TTBK2: variants seen among roughly 807,000 people sequenced by gnomAD.
TTBK2 encodes the protein tau-tubulin kinase 2.
Under a neutral mutation model 110.8 loss-of-function variants are expected in TTBK2, and 28 were observed. The observed-to-expected ratio is 0.25, with a 90% confidence interval of 0.19 to 0.35. The LOEUF is 0.35. Ranked by LOEUF, TTBK2 falls within the 10% of genes least tolerant of loss-of-function variation. The pLI, the probability that TTBK2 is intolerant of heterozygous loss-of-function variation, is 1.00. For missense variants in TTBK2, 1,369 were observed against 1,500.3 expected (o/e 0.91, Z 1.45); for synonymous variants, 532 against 527.3 (o/e 1.01, Z -0.12).
At chr15:42,828,401 C>A (rs948833644) in intron 5 of TTBK2, among the ~76,000 whole-genome samples, 17 of 149,084 alleles carry the variant, frequency 1.1e-4, no homozygotes, top group African/African-American at 3.7e-4. Context: ...AAAAAAAAAA[C>A]CCCGTAGAAA....
chr15:42,769,463 C>T (rs1183193405), intron 13 of TTBK2, among the ~76,000 whole-genome samples: 2 of 144,054 alleles, frequency 1.4e-5, no homozygotes, highest in Non-Finnish European at 3.0e-5. Context: ...TGAACAGACA[C>T]TTCTCAAAAG....
chr15:42,807,861 C>T (rs1244145908), intron 9 of TTBK2, among the ~76,000 whole-genome samples: 1 of 152,020 alleles, frequency 6.6e-6, no homozygotes, highest in African/African-American at 2.4e-5. Flanking sequence ...AGACAGAAAA[C>T]ATTATTTATG....
chr15:42,847,376 G>A (rs1158949412), intron 3 of TTBK2, among the ~76,000 whole-genome samples: 1 of 152,014 alleles, frequency 6.6e-6, no homozygotes, highest in Non-Finnish European at 1.5e-5. Context: ...TCTGTAACTT[G>A]TCTTTTCATT....
At chr15:42,770,222 G>A (rs547743124) in intron 13 of TTBK2, among the ~76,000 whole-genome samples, 1 of 152,132 alleles carries the variant, frequency 6.6e-6, no homozygotes, top group East Asian at 1.9e-4. Flanking sequence ...TCATGCACAC[G>A]TATCCTAGAA....
At chr15:42,919,273 CTTCT>C (rs2031245547) in intron 1 of TTBK2, among the ~76,000 whole-genome samples, 1 of 83,210 alleles carries the variant, frequency 1.2e-5, no homozygotes, top group East Asian at 3.3e-4. Context: ...ATCATTACTG[CTTCT>C]TTATTTAAAA....
At chr15:42,797,145 T>A (rs891726603) in intron 9 of TTBK2, among the ~76,000 whole-genome samples, 2 of 151,974 alleles carry the variant, frequency 1.3e-5, no homozygotes, top group Non-Finnish European at 1.5e-5. Context: ...TCTCACAGAG[T>A]GAGATGCATG....
At chr15:42,763,192 ATTTTTTTTTTTTTTTTTTTTTTTTTT>A (rs1183545103) in intron 13 of TTBK2, among the ~76,000 whole-genome samples, 1 of 13,386 alleles carries the variant, frequency 7.5e-5, no homozygotes, top group Non-Finnish European at 1.2e-4. Context: ...ATATATATAT[ATTTTTTTTTTTTTTTTTTTTTTTTTT>A]TTTTTTTTTT....
rs367793027 is a variant in TTBK2, at chr15:42,801,869, C to T, written c.823-7068G>A. ...TCCATCTCTGTACATTTACTGATCT[C>T]AACCTCATACTTGTTCCTGAAGTCC... On this transcript the variant is annotated intron_variant, in intron 9 of 14. Coordinates refer to ENST00000267890, the MANE Select transcript of TTBK2 (RefSeq NM_173500.4). 1.5e-4 allele frequency: 157 copies of T among 1,081,586 alleles called. 1 individual carries two copies. In the Admixed American group the frequency reaches 1.5e-3, roughly 10 times the overall value. 67.0% of individuals were successfully genotyped at this position (1,081,586 alleles called of 1,614,324 possible). A position where few individuals can be genotyped will look rare whatever the true frequency, so the allele number is the denominator to read the frequency against.
In TTBK2 at chr15:42,802,028, G is replaced by A. The variant is rs763066149; in HGVS notation, c.823-7227C>T. The A allele has an allele frequency of 2.0e-6, 3 of 1,481,136 alleles. No homozygotes were observed. The Admixed American group carries it at 5.0e-5, about 25-fold the overall frequency. 91.7% of individuals were successfully genotyped at this position (1,481,136 alleles called of 1,614,324 possible). ...TCCATGTTGCTCCGAGCCATCTTCT[G>A]CTGCTGCACGAGGCTCCACTTGGTC... On this transcript the variant is annotated intron_variant, in intron 9 of 14. Coordinates refer to ENST00000267890, the MANE Select transcript of TTBK2 (RefSeq NM_173500.4).
intron 6 of TTBK2, among the ~76,000 whole-genome samples, chr15:42,822,470 C>A (rs1056028141): frequency 1.3e-5 from 2 of 151,676 alleles, no homozygotes; most frequent in African/African-American, 4.8e-5. Context: ...GAAGGGCTGA[C>A]AGAATTACAA....
intron 3 of TTBK2, among the ~76,000 whole-genome samples, chr15:42,870,333 A>T (rs1442634090): frequency 6.6e-6 from 1 of 152,156 alleles, no homozygotes; most frequent in African/African-American, 2.4e-5. Context: ...TGAAATGCTA[A>T]GGGCTTCACA....
intron 3 of TTBK2, among the ~76,000 whole-genome samples, chr15:42,869,665 C>T (rs772568075): frequency 1.7e-4 from 25 of 151,480 alleles, no homozygotes; most frequent in Non-Finnish European, 3.5e-4. Context: ...ATGGAGAGGG[C>T]GAAGAGACAC....
At chr15:42,804,516 G>A (rs555977009) in intron 9 of TTBK2, among the ~76,000 whole-genome samples, 9 of 152,030 alleles carry the variant, frequency 5.9e-5, no homozygotes, top group Admixed American at 3.9e-4. Flanking sequence ...AGAAAACTGA[G>A]ATCTAGAAAG....
intron 1 of TTBK2, among the ~76,000 whole-genome samples, chr15:42,916,144 G>C (rs2141222481): frequency 6.6e-6 from 1 of 152,242 alleles, no homozygotes; most frequent in South Asian, 2.1e-4. Flanking sequence ...TTTTTTAAGT[G>C]CTAGGGAAGT....
intron 1 of TTBK2, among the ~76,000 whole-genome samples, chr15:42,909,152 G>A (rs560578450): frequency 6.6e-6 from 1 of 152,086 alleles, no homozygotes; most frequent in Admixed American, 6.6e-5. Flanking sequence ...TAAGAGACAG[G>A]GTCTCACTAT....
In TTBK2 at chr15:42,853,228, A is replaced by G. The variant is rs1265458203; in HGVS notation, c.218-12795T>C. ...CTCAGCTTGTGCTCTGTAGCCTAAA[A>G]GGCAAAAATAAAATCCAGGACCAGT... is the stretch of plus-strand genomic sequence containing the variant. On this transcript the variant is annotated intron_variant, in intron 3 of 14. Transcript: ENST00000267890. 2.0e-5 allele frequency among the ~76,000 whole-genome samples: 3 copies of G among 152,122 alleles called. No individual in the cohort carries two copies. In the East Asian group the frequency reaches 5.8e-4, roughly 29 times the overall value.
intron 1 of TTBK2, among the ~76,000 whole-genome samples, chr15:42,909,467 G>A (rs1182029932): frequency 1.3e-5 from 2 of 151,974 alleles, no homozygotes; most frequent in Non-Finnish European, 2.9e-5. Context: ...GATTACATCA[G>A]ACCCACCCAG....
chr15:42,776,733 G>A (rs549656943), intron 12 of TTBK2, among the ~76,000 whole-genome samples: 110 of 152,276 alleles, frequency 7.2e-4, no homozygotes, highest in African/African-American at 2.6e-3. Context: ...TCTAAACAAA[G>A]TTACTGTAAA....
At chr15:42,748,536 TCAGCCTCC>T (rs1457896799) in intron 14 of TTBK2, among the ~76,000 whole-genome samples, 1 of 151,982 alleles carries the variant, frequency 6.6e-6, no homozygotes, top group Admixed American at 6.6e-5. Flanking sequence ...TCCTCCCACC[TCAGCCTCC>T]CAAGTAGCTG....
Sources: allele counts gnomAD v4.1 joint callset (sites outside exome capture counted in the v4.1 genomes callset), GRCh38; gene constraint gnomAD v4.1.1; transcripts MANE v1.5; gene names NCBI Gene and HGNC (gene_info 2026-07-23, HGNC 2026-07-21).